GGH: variants seen among roughly 807,000 people sequenced by gnomAD.
The protein encoded by GGH is gamma-glutamyl hydrolase, also known as gamma-Glu-X carboxypeptidase.
Under a neutral mutation model 39.2 loss-of-function variants are expected in GGH, and 18 were observed. The observed-to-expected ratio is 0.46, with a 90% CI of 0.32 to 0.68. The LOEUF (loss-of-function observed/expected upper bound fraction) is 0.68. Ranked by LOEUF, GGH falls within the 30% of genes least tolerant of loss-of-function variation. The pLI is 0.04. For missense variants in GGH, 367 were observed against 384.1 expected (o/e 0.96, Z 0.37); for synonymous variants, 147 against 138.8 (o/e 1.06, Z -0.42).
intron 7 of GGH, among the ~76,000 whole-genome samples, chr8:63,019,832 T>C (rs1804553348): frequency 6.6e-6 from 1 of 152,194 alleles, no homozygotes; most frequent in Non-Finnish European, 1.5e-5. Flanking sequence ...GACCTTATGG[T>C]CCTGATTTGG....
intron 3 of GGH, among the ~76,000 whole-genome samples, chr8:63,027,994 A>G (rs2129662486): frequency 6.6e-6 from 1 of 152,326 alleles, no homozygotes; most frequent in African/African-American, 2.4e-5. Flanking sequence ...AGAACCAAGG[A>G]TATTCAAAAG....
intron 1 of GGH, among the ~76,000 whole-genome samples, chr8:63,038,282 T>C (rs1804949145): frequency 6.6e-6 from 1 of 152,110 alleles, no homozygotes; most frequent in Non-Finnish European, 1.5e-5. Context: ...TTTTGATGAA[T>C]GCAATGCATG....
chr8:63,025,997 T>C (rs2129655318), intron 5 of GGH, among the ~76,000 whole-genome samples, 161 bp downstream of exon 5: 1 of 152,362 alleles, frequency 6.6e-6, no homozygotes, highest in South Asian at 2.1e-4. Flanking sequence ...ATTCACATCT[T>C]CAACCTGTGT....
At position 63,015,443 on chromosome 8, in the gene GGH, G is replaced by A. The variant is rs1221200464; in HGVS notation, c.846C>T (p.Asn282=). 1.3e-6 allele frequency: 2 copies of A among 1,541,594 alleles called. No homozygotes were observed. The highest frequency in any genetic ancestry group is 3.9e-5 in the Admixed American group (2 of 51,378). ...AEFFVNEARK[N]NHHFKSESEE... Reference sequence around the variant, plus strand: ...CAGATTCAGATTTAAAATGATGGTTGTTTTTCCGAGCTGCAAGAAAAAAAG... The same window carrying A: ...CAGATTCAGATTTAAAATGATGGTTATTTTTCCGAGCTGCAAGAAAAAAAG... The change falls in exon 9 of 9, where the codon AAC becomes AAT. Residue 282 remains asparagine (N), a synonymous_variant. Transcript: ENST00000260118.
At chr8:63,031,475 A>AAAGGAACCAGCC (rs1336468502) in intron 2 of GGH, among the ~76,000 whole-genome samples, 37 of 152,308 alleles carry the variant, frequency 2.4e-4, no homozygotes, top group Admixed American at 2.2e-3. Context: ...GTGGCAACAA[A>AAAGGAACCAGCC]AAGGAACCAG....
chr8:63,028,424 C>T (rs1804736850), intron 3 of GGH: 1 of 152,118 alleles, frequency 6.6e-6, no homozygotes, highest in South Asian at 2.1e-4. Flanking sequence ...ACCCCAAACT[C>T]CTTTCATGCA....
At chr8:63,026,356 C>T (rs1392179182) in intron 4 of GGH, 60 bp from the exon 5 acceptor site, 5 of 1,393,254 alleles carry the variant, frequency 3.6e-6, no homozygotes, top group Non-Finnish European at 4.0e-6. Flanking sequence ...TAAAAATTAG[C>T]CATATCTTTT....
chr8:63,023,811 C>G, intron 7 of GGH, 96 bp downstream of exon 7: 1 of 938,932 alleles, frequency 1.1e-6, no homozygotes, highest in Non-Finnish European at 1.5e-6. Flanking sequence ...CCTCTTCAAG[C>G]CCCAAAGTAA....
chr8:63,015,477 T>C, intron 8 of GGH, 24 bp from the exon 9 acceptor site: 1 of 1,461,292 alleles, frequency 6.8e-7, no homozygotes, highest in South Asian at 1.2e-5. Context: ...AGTTAATTTT[T>C]AAAAAGATCA....
Position 63,038,687 on chromosome 8 carries a change from C to T in GGH, c.82G>A (p.Gly28Ser). The T allele has an allele frequency of 1.9e-6, 3 of 1,547,738 alleles. No homozygotes were observed. Among genetic ancestry groups the T allele is most frequent in the Non-Finnish European group, 1.8e-6 (2 of 1,141,272 alleles). ...ATGATGGGCTTCTTGGCGGTGTCGC[C>T]GTGGGGTCTAGACAGCTCGAGGCTC... ...AASLELSRPHGDTAKKPIIGI... is the reference protein window; with the variant it reads ...AASLELSRPHSDTAKKPIIGI... The change falls in exon 1 of 9, where the codon GGC becomes AGC. Residue 28 changes from glycine (G) to serine (S), a missense_variant. By Grantham distance (56) the Gly-to-Ser change is moderately conservative. Transcript: ENST00000260118.
Position 63,015,250 on chromosome 8 carries a change from A to C in GGH, c.*82T>G. ...TATAGAAAAGAATCTGTGACTTCCT[A>C]ATCTTGCCATGAGTAGCAAGTTATT... On this transcript the variant is annotated 3_prime_UTR_variant, in exon 9 of 9. Transcript: ENST00000260118. 2.9e-6 allele frequency: 2 copies of C among 697,538 alleles called. No individual in the cohort carries two copies. Among genetic ancestry groups the C allele is most frequent in the East Asian group, 2.7e-5 (1 of 37,646 alleles). 43.2% of individuals were successfully genotyped at this position (697,538 alleles called of 1,614,324 possible). A position where few individuals can be genotyped will look rare whatever the true frequency, so the allele number is the denominator to read the frequency against.
intron 7 of GGH, among the ~76,000 whole-genome samples, chr8:63,021,427 G>C (rs578253797): frequency 2.6e-5 from 4 of 152,134 alleles, no homozygotes. Flanking sequence ...ATTTTACTAA[G>C]AAATGCCAAA....
At position 63,030,212 on chromosome 8, in the gene GGH, T is replaced by C; in HGVS notation, c.230A>G (p.Asp77Gly). ...AGARVVPVRL[D>G]LTEKDYEILF... ...TATTTCATAGTCTTTCTCTGTAAGA[T>C]CCAGCCTGAAAACAATAAAAGTTAT... The change falls in exon 3 of 9, where the codon GAT becomes GGT. Residue 77 changes from aspartate to glycine, a missense_variant. By Grantham distance (94) the Asp-to-Gly change is moderately conservative. Coordinates refer to ENST00000260118, the MANE Select transcript of GGH (RefSeq NM_003878.3). 1 of 1,390,192 alleles carries C rather than the reference T, an allele frequency of 7.2e-7. No homozygotes were observed. The highest frequency in any genetic ancestry group is 1.0e-6 in the Non-Finnish European group (1 of 977,752). The allele number at this position is 1,390,192 out of a possible 1,614,324, so 86.1% of individuals were successfully genotyped here. A position where few individuals can be genotyped will look rare whatever the true frequency, so the allele number is the denominator to read the frequency against.
chr8:63,037,786 A>G (rs1804938472), intron 1 of GGH, among the ~76,000 whole-genome samples: 1 of 152,174 alleles, frequency 6.6e-6, no homozygotes. Flanking sequence ...GAATCAAATC[A>G]CCATGTTAAA....
intron 4 of GGH, chr8:63,026,939 C>T (rs1804697221): frequency 2.0e-6 from 1 of 497,352 alleles, no homozygotes; most frequent in African/African-American, 2.0e-5. Context: ...ACACGGTTCA[C>T]ATTAACAAGC....
intron 7 of GGH, among the ~76,000 whole-genome samples, chr8:63,018,427 A>G (rs1279319039): frequency 6.6e-6 from 1 of 152,218 alleles, no homozygotes; most frequent in Non-Finnish European, 1.5e-5. Flanking sequence ...CATGACCACC[A>G]TCAGAAAGTA....
intron 5 of GGH, chr8:63,025,400 A>C (rs1804665041): frequency 6.6e-6 from 1 of 152,208 alleles, no homozygotes; most frequent in Admixed American, 6.5e-5. Flanking sequence ...ATAACGTTCC[A>C]GTAAAAACTC....
chr8:63,016,597 T>C (rs933171327), intron 8 of GGH, among the ~76,000 whole-genome samples: 5 of 152,244 alleles, frequency 3.3e-5, no homozygotes, highest in African/African-American at 1.2e-4. Context: ...TAGGTTCTTG[T>C]AGTACTTTTA....
At position 63,022,322 on chromosome 8, in the gene GGH, C is replaced by G. The variant is rs147209786; in HGVS notation, c.697+1585G>C. On this transcript the variant is annotated intron_variant, in intron 7 of 8. Coordinates refer to ENST00000260118, the MANE Select transcript of GGH (RefSeq NM_003878.3). ...TATGGAAAAAAGAGTCTGTCTCTGT[C>G]CTACTTTTTCCCATTCCTTCTAGAG... Among the ~76,000 whole-genome samples the G allele has an allele frequency of 5.7e-3, 864 of 152,100 alleles. 9 individuals carry two copies. Among genetic ancestry groups the G allele is most frequent in the African/African-American group, 0.02 (837 of 41,482 alleles).
Sources: allele counts gnomAD v4.1 joint callset (sites outside exome capture counted in the v4.1 genomes callset), GRCh38; gene constraint gnomAD v4.1.1; transcripts MANE v1.5; gene names NCBI Gene and HGNC (gene_info 2026-07-23, HGNC 2026-07-21).